The following ECHDC3 variants were observed in gnomAD, a reference collection of about 807,000 sequenced individuals.
ECHDC3 encodes enoyl-CoA hydratase domain-containing protein 3, mitochondrial.
A neutral mutation model predicts 17.9 loss-of-function variants in ECHDC3; 20 were observed. That is an observed-to-expected ratio of 1.12 (90% confidence interval 0.79 to 1.63). ECHDC3 has a LOEUF of 1.63. ECHDC3 is among the 40% of genes most tolerant of loss of function. The pLI, the probability that ECHDC3 is intolerant of heterozygous loss-of-function variation, is 0.00. For missense variants in ECHDC3, 407 were observed against 357.7 expected (o/e 1.14, Z -1.11); for synonymous variants, 177 against 149.7 (o/e 1.18, Z -1.33).
intron 1 of ECHDC3, among the ~76,000 whole-genome samples, chr10:11,744,212 T>G (rs964548918): frequency 2.6e-5 from 4 of 152,152 alleles, no homozygotes; most frequent in Non-Finnish European, 5.9e-5. Context: ...TTCAGAGAGG[T>G]GACAGCCTGT....
chr10:11,761,393 T>G (rs985978937), intron 4 of ECHDC3, among the ~76,000 whole-genome samples: 1 of 152,140 alleles, frequency 6.6e-6, no homozygotes, highest in African/African-American at 2.4e-5. Context: ...TATCCAAACG[T>G]CAGTATCACC....
At chr10:11,762,094 C>T (rs1832960372) in intron 4 of ECHDC3, among the ~76,000 whole-genome samples, 1 of 151,186 alleles carries the variant, frequency 6.6e-6, no homozygotes, top group African/African-American at 2.4e-5. Context: ...TCCTGTCCTA[C>T]TGGAGTTTAC....
At chr10:11,753,325 G>A (rs1588464028) in intron 3 of ECHDC3, among the ~76,000 whole-genome samples, 1 of 152,184 alleles carries the variant, frequency 6.6e-6, no homozygotes, top group East Asian at 1.9e-4. Flanking sequence ...GGAGGTTGCA[G>A]TGAGCCAAGA....
intron 1 of ECHDC3, among the ~76,000 whole-genome samples, chr10:11,743,487 T>C (rs558364812): frequency 6.6e-6 from 1 of 152,352 alleles, no homozygotes; most frequent in South Asian, 2.1e-4. Flanking sequence ...CGTTTTCCTT[T>C]TCTCCTCACC....
rs1832704797 is a variant in ECHDC3, at chr10:11,742,501, CAGCGCCCTCGG to C, written c.-68_-58del. On this transcript the variant is annotated 5_prime_UTR_variant, in exon 1 of 5. Coordinates refer to ENST00000379215, the MANE Select transcript of ECHDC3 (RefSeq NM_024693.5). ...AGTTCCGTCCCGGCCCTGCTCACAGCAGCGCCCTCGGAGCGCCCAGCACCTGCGGCCGGCCA... is the reference window on the plus strand; with the variant it reads ...AGTTCCGTCCCGGCCCTGCTCACAGCAGCGCCCAGCACCTGCGGCCGGCCA... 6 of 1,228,350 alleles carry C rather than the reference CAGCGCCCTCGG, an allele frequency of 4.9e-6. No individual in the cohort carries two copies. The highest frequency in any genetic ancestry group is 5.1e-6 in the Non-Finnish European group (5 of 979,454). 76.1% of individuals were successfully genotyped at this position (1,228,350 alleles called of 1,614,324 possible).
chr10:11,745,263 G>A (rs539328012), intron 1 of ECHDC3, among the ~76,000 whole-genome samples: 3 of 152,274 alleles, frequency 2.0e-5, no homozygotes, highest in South Asian at 4.2e-4. Flanking sequence ...AACAGATTCC[G>A]CGGCGCACAA....
intron 4 of ECHDC3, among the ~76,000 whole-genome samples, chr10:11,756,568 T>A (rs1276773936): frequency 6.6e-6 from 1 of 152,196 alleles, no homozygotes; most frequent in African/African-American, 2.4e-5. Context: ...TGTTAGTTTT[T>A]GCAGAAATGT....
Position 11,742,746 on chromosome 10 carries a change from G to T in ECHDC3, c.170G>T (p.Arg57Met). 8.1e-7 allele frequency: 1 copy of T among 1,232,064 alleles called. No homozygotes were observed. Among genetic ancestry groups the T allele is most frequent in the Non-Finnish European group, 1.0e-6 (1 of 987,618 alleles). 76.3% of individuals were successfully genotyped at this position (1,232,064 alleles called of 1,614,324 possible). The change falls in exon 1 of 5, where the codon AGG becomes ATG. Residue 57 changes from arginine to methionine, a missense_variant and splice_region_variant. By Grantham distance (91) the Arg-to-Met change is moderately conservative (BLOSUM62 -1). Transcript: ENST00000379215. Reference protein sequence around the residue: ...PTSARQLDGIRNIVLSNPKKR... With the variant: ...PTSARQLDGIMNIVLSNPKKR... Reference sequence around the variant, plus strand: ...AGCGCGCGGCAGCTGGACGGCATAAGGTCAGCCCCGGGCCGCGCGGGCTCC... The same window carrying T: ...AGCGCGCGGCAGCTGGACGGCATAATGTCAGCCCCGGGCCGCGCGGGCTCC...
rs182050523 is a variant in ECHDC3, at chr10:11,747,250, T to C, written c.171-99T>C. 5.9e-4 allele frequency: 867 copies of C among 1,481,594 alleles called. 9 individuals carry two copies. In the African/African-American group the frequency reaches 0.011, roughly 19 times the overall value. The allele number at this position is 1,481,594 out of a possible 1,614,324, so 91.8% of individuals were successfully genotyped here. On this transcript the variant is annotated intron_variant, in intron 1 of 4. Transcript: ENST00000379215. ...CTAAGCCCCAGCAGTTCTCCTTTCTTGTCTGTTAAAAATACCTCCTAAATT... is the reference window on the plus strand; with the variant it reads ...CTAAGCCCCAGCAGTTCTCCTTTCTCGTCTGTTAAAAATACCTCCTAAATT...
chr10:11,746,098 C>T (rs1208745657), intron 1 of ECHDC3, among the ~76,000 whole-genome samples: 2 of 152,054 alleles, frequency 1.3e-5, no homozygotes, highest in Admixed American at 6.5e-5. Flanking sequence ...GAGGCTGAGG[C>T]GGGTGTATCA....
intron 3 of ECHDC3, among the ~76,000 whole-genome samples, chr10:11,750,572 T>C (rs966102765): frequency 1.3e-5 from 2 of 152,178 alleles, no homozygotes; most frequent in South Asian, 2.1e-4. Context: ...TAATGAAAAA[T>C]TGAATAGTGA....
At chr10:11,749,714 G>T (rs926060007) in intron 3 of ECHDC3, 122 bp downstream of exon 3, 2 of 692,546 alleles carry the variant, frequency 2.9e-6, no homozygotes, top group African/African-American at 3.8e-5. Flanking sequence ...AGAGCAACTG[G>T]AAACTGTTTG....
chr10:11,743,557 G>A (rs892657050), intron 1 of ECHDC3, among the ~76,000 whole-genome samples: 1 of 152,216 alleles, frequency 6.6e-6, no homozygotes, highest in Non-Finnish European at 1.5e-5. Context: ...AAGGGGCTGG[G>A]TGCACAGATC....
chr10:11,754,360 A>G (rs1293090087), intron 3 of ECHDC3, among the ~76,000 whole-genome samples: 3 of 152,332 alleles, frequency 2.0e-5, no homozygotes, highest in African/African-American at 4.8e-5. Context: ...TGAAGTTACC[A>G]TAGCAACACA....
intron 4 of ECHDC3, among the ~76,000 whole-genome samples, chr10:11,762,439 G>A (rs1036084777): frequency 8.5e-5 from 13 of 152,224 alleles, no homozygotes; most frequent in Non-Finnish European, 1.6e-4. Context: ...GTGGGGAAGG[G>A]AAGGGCCCCT....
At chr10:11,742,884 G>A in intron 1 of ECHDC3, 138 bp downstream of exon 1, 1 of 1,036,498 alleles carries the variant, frequency 9.6e-7, no homozygotes, top group Non-Finnish European at 1.2e-6. Flanking sequence ...CCCGGACCCG[G>A]GCCTGGCAGC....
At chr10:11,746,670 T>C (rs571277006) in intron 1 of ECHDC3, among the ~76,000 whole-genome samples, 9 of 152,296 alleles carry the variant, frequency 5.9e-5, no homozygotes, top group South Asian at 2.1e-4. Context: ...GCATGGTGGC[T>C]CATGCCTATA....
chr10:11,750,230 G>A (rs1832809589), intron 3 of ECHDC3, among the ~76,000 whole-genome samples: 1 of 152,024 alleles, frequency 6.6e-6, no homozygotes, highest in African/African-American at 2.4e-5. Flanking sequence ...GAAGTTTGGA[G>A]TAAGAAGGAA....
intron 1 of ECHDC3, among the ~76,000 whole-genome samples, chr10:11,746,253 G>A (rs371119201): frequency 2.0e-5 from 3 of 149,254 alleles, no homozygotes; most frequent in South Asian, 2.1e-4. Context: ...ACTTGAACCC[G>A]GGAGGCAGAG....
Sources: gnomAD v4.1 joint callset for allele counts (sites outside exome capture counted in the v4.1 genomes callset) on GRCh38, gnomAD v4.1.1 for gene constraint, MANE v1.5 for transcripts, NCBI Gene and HGNC (gene_info 2026-07-23, HGNC 2026-07-21) for gene names.